NEK1: variants seen among roughly 807,000 people sequenced by gnomAD.
NEK1 encodes NIMA related kinase 1, also known as serine/threonine-protein kinase Nek1.
NEK1 carries 137 observed loss-of-function variants against 182.1 expected under a neutral mutation model. The ratio of observed to expected loss-of-function variants is 0.75; its 90% CI spans 0.65 to 0.87. The LOEUF is 0.87. Among genes scored for constraint, NEK1 ranks in the 40% least tolerant of loss-of-function variants. The pLI is 0.00. For missense variants in NEK1, 1,391 were observed against 1,494.4 expected (o/e 0.93, Z 1.14); for synonymous variants, 513 against 492.2 (o/e 1.04, Z -0.56).
At chr4:169,490,926 G>A (rs533884605) in intron 23 of NEK1, among the ~76,000 whole-genome samples, 4 of 152,046 alleles carry the variant, frequency 2.6e-5, no homozygotes, top group Non-Finnish European at 4.4e-5. Context: ...GGAGGATCAC[G>A]AGGTCAGGAG....
chr4:169,451,254 A>G (rs1276061116), intron 27 of NEK1, among the ~76,000 whole-genome samples: 1 of 152,214 alleles, frequency 6.6e-6, no homozygotes, highest in Non-Finnish European at 1.5e-5. Context: ...AAGGATATCC[A>G]GGACCTGAAC....
chr4:169,411,286 A>ATTT (rs869305455), intron 31 of NEK1, among the ~76,000 whole-genome samples: 2 of 138,326 alleles, frequency 1.4e-5, no homozygotes, highest in African/African-American at 5.1e-5. Context: ...ATCTGACTCT[A>ATTT]TTTTTTTTTT....
chr4:169,540,891 C>A, intron 18 of NEK1, among the ~76,000 whole-genome samples: 1 of 150,306 alleles, frequency 6.7e-6, no homozygotes. Context: ...TTAGCCCTGA[C>A]AAGAGAAGGG....
chr4:169,413,253 G>C (rs571796548), intron 31 of NEK1, among the ~76,000 whole-genome samples: 59 of 151,460 alleles, frequency 3.9e-4, no homozygotes, highest in Non-Finnish European at 1.5e-5. Flanking sequence ...CTGCAGCCTT[G>C]ACTTCCTGGG....
intron 27 of NEK1, among the ~76,000 whole-genome samples, chr4:169,453,854 C>G (rs1218357005): frequency 3.3e-5 from 5 of 152,176 alleles, no homozygotes; most frequent in Admixed American, 3.3e-4. Flanking sequence ...CCACTTCACA[C>G]CTCTATATTC....
chr4:169,470,605 C>T (rs1257584283), intron 26 of NEK1, among the ~76,000 whole-genome samples: 1 of 152,152 alleles, frequency 6.6e-6, no homozygotes, highest in Non-Finnish European at 1.5e-5. Flanking sequence ...CTTGGGGTTG[C>T]TCTTCGCAAG....
intron 4 of NEK1, among the ~76,000 whole-genome samples, chr4:169,601,207 G>T (rs1472244023): frequency 1.3e-5 from 2 of 152,144 alleles, no homozygotes; most frequent in Non-Finnish European, 2.9e-5. Flanking sequence ...GTTCATCTGG[G>T]AATGTAGTAA....
Position 169,555,861 on chromosome 4 carries a change from A to G in NEK1, c.1431-10T>C. ...TCCAGGCAGAATTCCTCTGTAGATAAATATGCACAGTGACTTTCATTACTA... is the reference window on the plus strand; with the variant it reads ...TCCAGGCAGAATTCCTCTGTAGATAGATATGCACAGTGACTTTCATTACTA... On this transcript the variant is annotated splice_polypyrimidine_tract_variant and intron_variant, in intron 17 of 35. Transcript: ENST00000507142. The G allele has an allele frequency of 6.2e-7, 1 of 1,613,906 alleles. No individual in the cohort carries two copies.
intron 26 of NEK1, among the ~76,000 whole-genome samples, chr4:169,468,263 G>C (rs145356123): frequency 6.6e-6 from 1 of 151,828 alleles, no homozygotes; most frequent in Non-Finnish European, 1.5e-5. Flanking sequence ...TGATATTCTA[G>C]AACAGGAACA....
chr4:169,486,125 A>G (rs1200443651), intron 23 of NEK1, among the ~76,000 whole-genome samples: 28 of 152,208 alleles, frequency 1.8e-4, no homozygotes, highest in Admixed American at 1.8e-3. Context: ...AAAAAAAAAG[A>G]TAAAACATTG....
At chr4:169,526,642 T>A (rs942169046) in intron 19 of NEK1, among the ~76,000 whole-genome samples, 1 of 152,244 alleles carries the variant, frequency 6.6e-6, no homozygotes, top group South Asian at 2.1e-4. Context: ...AGTTAATAAA[T>A]ATACTGTTCA....
chr4:169,405,830 G>C (rs1290781577), intron 32 of NEK1, among the ~76,000 whole-genome samples: 1 of 152,160 alleles, frequency 6.6e-6, no homozygotes, highest in Non-Finnish European at 1.5e-5. Context: ...TTGGCTAGGT[G>C]TGGTAGCTCA....
In NEK1 at chr4:169,590,778, G is replaced by T; in HGVS notation, c.344C>A (p.Ala115Asp). Reference protein sequence around the residue: ...ILDWFVQICLALKHVHDRKIL... With the variant: ...ILDWFVQICLDLKHVHDRKIL... ...TTTTCTATCATGTACATGTTTCAGG[G>T]CCAAACATATCTGTACAAACCAGTC... Residue 115 changes from alanine (A) to aspartate (D), a missense_variant, in exon 6 of 36, where the codon GCC becomes GAC. Physicochemically the swap from Ala to Asp is moderately radical, Grantham distance 126 (BLOSUM62 -2). Transcript: ENST00000507142. The T allele has an allele frequency of 6.3e-7, 1 of 1,598,404 alleles. No homozygotes were observed. Among genetic ancestry groups the T allele is most frequent in the Non-Finnish European group, 8.5e-7 (1 of 1,171,778 alleles).
chr4:169,594,830 T>C (rs529886031), intron 5 of NEK1, among the ~76,000 whole-genome samples: 1 of 152,336 alleles, frequency 6.6e-6, no homozygotes, highest in African/African-American at 2.4e-5. Context: ...ACAAAATGCA[T>C]GCTTTAGAGA....
At chr4:169,570,505 G>T (rs1279838139) in intron 12 of NEK1, among the ~76,000 whole-genome samples, 2 of 149,774 alleles carry the variant, frequency 1.3e-5, no homozygotes, top group Middle Eastern at 3.4e-3. Flanking sequence ...GAAGGGAGGT[G>T]GGGGGGTCAG....
rs1579290100 is a variant in NEK1 at position 169,400,259 on chromosome 4, A to T, written c.3813T>A (p.Leu1271=). The T allele has an allele frequency of 1.3e-6, 2 of 1,577,590 alleles. No individual in the cohort carries two copies. The highest frequency in any genetic ancestry group is 2.7e-5 in the African/African-American group (2 of 74,398). The change falls in exon 35 of 36, where the codon CTT becomes CTA. Residue 1271 remains leucine (L), a synonymous_variant. Coordinates refer to ENST00000507142, the MANE Select transcript of NEK1 (RefSeq NM_001199397.3). ...AGGCTCCATCTGCCATGACTAAATG[A>T]AGAATCTTGGCATAAAGATGCTGAT... ...NEHQHLYAKI[L]HLVMADGAYQ...
rs1369670600 is a variant in NEK1, at chr4:169,537,841, T to C, written c.1633A>G (p.Met545Val). The change falls in exon 19 of 36, where the codon ATG becomes GTG. Residue 545 changes from methionine to valine, a missense_variant. Physicochemically the swap from Met to Val is conservative, Grantham distance 21. Around this residue, in one of 5 missense-constraint regions of NEK1, gnomAD observed 1,216 missense variants for 1,277.6 expected, o/e 0.95. Coordinates refer to ENST00000507142, the MANE Select transcript of NEK1 (RefSeq NM_001199397.3). ...CCTTCGGCTCGAGCTTTATTCTGCA[T>C]AGCTTCCCGTTTTCGCTGCAGGAAC... Reference protein sequence around the residue: ...EEFLQRKREAMQNKARAEGHM... With the variant: ...EEFLQRKREAVQNKARAEGHM... 2 of 1,612,612 alleles carry C rather than the reference T, an allele frequency of 1.2e-6. No individual in the cohort carries two copies. Among genetic ancestry groups the C allele is most frequent in the Non-Finnish European group, 1.7e-6 (2 of 1,179,160 alleles).
intron 19 of NEK1, among the ~76,000 whole-genome samples, chr4:169,536,866 C>A (rs1758588960): frequency 1.3e-5 from 2 of 152,026 alleles, no homozygotes; most frequent in African/African-American, 4.8e-5. Flanking sequence ...AGGAAAGATA[C>A]AAATATAGAT....
At chr4:169,570,296 C>G (rs1378955280) in intron 12 of NEK1, among the ~76,000 whole-genome samples, 1 of 151,932 alleles carries the variant, frequency 6.6e-6, no homozygotes, top group African/African-American at 2.4e-5. Flanking sequence ...CTCCGCCCAG[C>G]AGCCACCCCG....
Sources: allele counts gnomAD v4.1 joint callset (sites outside exome capture counted in the v4.1 genomes callset), GRCh38; gene constraint gnomAD v4.1.1; regional missense constraint gnomAD v4.1.1; transcripts MANE v1.5; gene names NCBI Gene and HGNC (gene_info 2026-07-23, HGNC 2026-07-21).